PTPRD: variants seen among roughly 807,000 people sequenced by gnomAD.
PTPRD encodes receptor-type tyrosine-protein phosphatase delta.
Under a neutral mutation model 214.5 loss-of-function variants are expected in PTPRD, and 34 were observed. The ratio of observed to expected loss-of-function variants is 0.16; its 90% confidence interval spans 0.12 to 0.21. PTPRD has a LOEUF of 0.21. Among genes scored for constraint, PTPRD ranks in the 10% least tolerant of loss-of-function variants. PTPRD has a pLI of 1.00. For synonymous variants in PTPRD, 1,128 were observed against 845.7 expected (o/e 1.33, Z -5.79); for missense variants, 2,545 against 2,398.7 (o/e 1.06, Z -1.27).
At chr9:9,168,820 A>G (rs2130867939) in intron 10 of PTPRD, among the ~76,000 whole-genome samples, 1 of 152,184 alleles carries the variant, frequency 6.6e-6, no homozygotes, top group African/African-American at 2.4e-5. Flanking sequence ...ACATTTGAAT[A>G]AGACCTTAAA....
At chr9:10,529,299 G>A (rs1197721590) in intron 2 of PTPRD, among the ~76,000 whole-genome samples, 2 of 152,216 alleles carry the variant, frequency 1.3e-5, no homozygotes, top group African/African-American at 2.4e-5. Flanking sequence ...GTTCACAATA[G>A]CAAAGACTTG....
intron 2 of PTPRD, among the ~76,000 whole-genome samples, chr9:10,583,372 G>T (rs1014112613): frequency 3.9e-5 from 6 of 152,064 alleles, no homozygotes; most frequent in Non-Finnish European, 8.8e-5. Context: ...CAGTTTCTTG[G>T]AGGATATTGG....
intron 7 of PTPRD, among the ~76,000 whole-genome samples, chr9:9,618,635 G>A (rs992483951): frequency 6.6e-6 from 1 of 152,130 alleles, no homozygotes; most frequent in Non-Finnish European, 1.5e-5. Flanking sequence ...AAAAGTGAAA[G>A]TAGTAAGATA....
intron 14 of PTPRD, among the ~76,000 whole-genome samples, chr9:8,626,050 G>C (rs929400367): frequency 6.6e-6 from 1 of 151,694 alleles, no homozygotes; most frequent in Admixed American, 6.6e-5. Flanking sequence ...TTAAACCCTA[G>C]ATGAGGCATT....
intron 35 of PTPRD, among the ~76,000 whole-genome samples, chr9:8,423,185 C>G (rs988262935): frequency 2.0e-5 from 3 of 152,200 alleles, no homozygotes; most frequent in East Asian, 3.9e-4. Flanking sequence ...AAAAGATCGT[C>G]CAGTCCAATC....
intron 5 of PTPRD, among the ~76,000 whole-genome samples, chr9:9,838,310 T>C (rs1185491614): frequency 1.3e-5 from 2 of 152,014 alleles, no homozygotes; most frequent in African/African-American, 4.8e-5. Flanking sequence ...GGTCAAATGG[T>C]ATTTCTAGTT....
rs763842806 is a variant in PTPRD, at chr9:9,212,869, G to C, written c.-202-29506C>G. Among the ~76,000 whole-genome samples the C allele has an allele frequency of 9.3e-4, 141 of 152,026 alleles. 2 individuals are homozygous for C. The highest frequency in any genetic ancestry group is 3.9e-4 in the Admixed American group (6 of 15,260). Reference sequence around the variant, plus strand: ...AACAAGGGATTAGGAGTTAGATCTGGGTTTCCTTCTATAGTATGTGACTTG... The same window carrying C: ...AACAAGGGATTAGGAGTTAGATCTGCGTTTCCTTCTATAGTATGTGACTTG... On this transcript the variant is annotated intron_variant, in intron 9 of 45. Coordinates refer to ENST00000381196, the MANE Select transcript of PTPRD (RefSeq NM_002839.4).
chr9:9,174,986 A>C (rs1017511704), intron 10 of PTPRD, among the ~76,000 whole-genome samples: 3 of 151,926 alleles, frequency 2.0e-5, no homozygotes, highest in Middle Eastern at 3.5e-3. Context: ...ATATCATTAT[A>C]AAAGAGTACC....
At chr9:9,918,413 G>C (rs1185745773) in intron 5 of PTPRD, among the ~76,000 whole-genome samples, 1 of 130,798 alleles carries the variant, frequency 7.6e-6, no homozygotes, top group African/African-American at 2.8e-5. Flanking sequence ...AATAATTGAA[G>C]AAGATACAAA....
At chr9:9,142,904 G>A (rs965283115) in intron 10 of PTPRD, among the ~76,000 whole-genome samples, 1 of 152,006 alleles carries the variant, frequency 6.6e-6, no homozygotes, top group African/African-American at 2.4e-5. Context: ...CTGGCTTCCT[G>A]TTGAGTTCAA....
At chr9:9,124,109 C>T (rs920758582) in intron 10 of PTPRD, among the ~76,000 whole-genome samples, 2 of 152,058 alleles carry the variant, frequency 1.3e-5, no homozygotes, top group African/African-American at 4.8e-5. Context: ...TACCTTTTAT[C>T]TACATATCTG....
At chr9:8,640,695 A>T (rs1176618329) in intron 12 of PTPRD, among the ~76,000 whole-genome samples, 1 of 151,210 alleles carries the variant, frequency 6.6e-6, no homozygotes, top group Non-Finnish European at 1.5e-5. Context: ...AAAAAAAAAA[A>T]AATACATATA....
intron 3 of PTPRD, among the ~76,000 whole-genome samples, chr9:10,131,520 C>A (rs1027036046): frequency 6.6e-6 from 1 of 152,098 alleles, no homozygotes; most frequent in African/African-American, 2.4e-5. Flanking sequence ...AATATAGTAA[C>A]AAAATAACAC....
intron 4 of PTPRD, among the ~76,000 whole-genome samples, chr9:9,956,074 T>TA (rs1013414882): frequency 1.3e-5 from 2 of 152,100 alleles, no homozygotes; most frequent in African/African-American, 2.4e-5. Context: ...TGCAAGCTTT[T>TA]AAAAAAATAT....
At chr9:9,610,032 C>G (rs2094435233) in intron 7 of PTPRD, among the ~76,000 whole-genome samples, 2 of 152,232 alleles carry the variant, frequency 1.3e-5, no homozygotes, top group South Asian at 4.1e-4. Flanking sequence ...GCCTTCTCCT[C>G]TCATTTATGT....
rs1277128080 is a variant in PTPRD, at chr9:10,149,685, T to A, written c.-544-115895A>T. On this transcript the variant is annotated intron_variant, in intron 3 of 45. Transcript: ENST00000381196. ...TCATTATTGATTATCTATAAAACTG[T>A]GGACAATTCAAATGAATGGTCTGGC... 2.0e-5 allele frequency among the ~76,000 whole-genome samples: 3 copies of A among 152,182 alleles called. No individual in the cohort carries two copies. In the East Asian group the frequency reaches 5.8e-4, roughly 29 times the overall value.
chr9:9,616,896 T>C (rs577946577), intron 7 of PTPRD, among the ~76,000 whole-genome samples: 2 of 152,326 alleles, frequency 1.3e-5, no homozygotes, highest in East Asian at 3.9e-4. Flanking sequence ...ATGATTTCCA[T>C]TCTTTTGCAT....
intron 8 of PTPRD, among the ~76,000 whole-genome samples, chr9:9,508,330 A>G (rs994479233): frequency 4.0e-5 from 6 of 151,554 alleles, no homozygotes; most frequent in Admixed American, 2.6e-4. Context: ...AGGTAACACA[A>G]TTCTTTCAAC....
At position 9,514,389 on chromosome 9, in the gene PTPRD, G is replaced by A. The variant is rs182527075; in HGVS notation, c.-237+60343C>T. ...TGGTCCTGGCAACTGTCAGTTTGGA[G>A]CTGTGTGTGTAAAACACTAAACAGA... On this transcript the variant is annotated intron_variant, in intron 8 of 45. Coordinates refer to ENST00000381196, the MANE Select transcript of PTPRD (RefSeq NM_002839.4). 8.5e-4 allele frequency among the ~76,000 whole-genome samples: 130 copies of A among 152,192 alleles called. No individual in the cohort carries two copies. The East Asian group carries it at 0.022, about 26-fold the overall frequency.
Sources: gnomAD v4.1 joint callset for allele counts (sites outside exome capture counted in the v4.1 genomes callset) on GRCh38, gnomAD v4.1.1 for gene constraint, MANE v1.5 for transcripts, NCBI Gene and HGNC (gene_info 2026-07-23, HGNC 2026-07-21) for gene names.